Variants in TMEM178B observed in about 807,000 individuals in gnomAD.
TMEM178B encodes transmembrane protein 178B.
Under a neutral mutation model 31.0 loss-of-function variants are expected in TMEM178B, and 5 were observed. The observed-to-expected ratio is 0.16, with a 90% CI of 0.08 to 0.34. TMEM178B has a LOEUF of 0.34. TMEM178B is among the 10% of genes least tolerant of loss of function. The probability of loss-of-function intolerance (pLI) is 1.00; values close to 1 mark genes in which losing one functional copy is unlikely to be tolerated. For synonymous variants in TMEM178B, 164 were observed against 164.0 expected (o/e 1.00, Z 0.00); for missense variants, 275 against 400.3 (o/e 0.69, Z 2.67).
intron 2 of TMEM178B, among the ~76,000 whole-genome samples, chr7:141,288,408 A>G (rs1367052247): frequency 9.2e-5 from 14 of 151,482 alleles, no homozygotes; most frequent in Non-Finnish European, 2.1e-4. Context: ...CATCTGTTGC[A>G]GCTTCAGTTT....
intron 2 of TMEM178B, among the ~76,000 whole-genome samples, chr7:141,224,971 C>T (rs922927869): frequency 3.3e-5 from 5 of 152,288 alleles, no homozygotes; most frequent in Non-Finnish European, 5.9e-5. Flanking sequence ...AGGGATTGAC[C>T]GCTAAAGGTT....
chr7:141,117,478 A>C (rs1795337564), intron 1 of TMEM178B, among the ~76,000 whole-genome samples: 2 of 152,124 alleles, frequency 1.3e-5, no homozygotes, highest in Admixed American at 6.5e-5. Flanking sequence ...CTCTGATGAT[A>C]GTTCCTTTTG....
chr7:141,122,707 G>A (rs911554035), intron 1 of TMEM178B, among the ~76,000 whole-genome samples: 1 of 152,154 alleles, frequency 6.6e-6, no homozygotes, highest in African/African-American at 2.4e-5. Context: ...ATGATGGTAT[G>A]GGAGGAAATT....
chr7:141,460,104 G>A (rs1035572530), intron 3 of TMEM178B, among the ~76,000 whole-genome samples: 1 of 152,158 alleles, frequency 6.6e-6, no homozygotes, highest in African/African-American at 2.4e-5. Flanking sequence ...GCCAATTATT[G>A]TATATTCACC....
rs908887873 is a variant in TMEM178B at position 141,401,477 on chromosome 7, G to A, written c.497-36131G>A. ...CACCCAGGCTCGAGCACAGTGTGGT[G>A]CGATCATAGCTCACTGCAGCCTCAA... On this transcript the variant is annotated intron_variant, in intron 2 of 3. Transcript: ENST00000565468. 2.6e-5 allele frequency among the ~76,000 whole-genome samples: 4 copies of A among 152,222 alleles called. No homozygotes were observed. The South Asian group carries it at 8.3e-4, about 31-fold the overall frequency.
intron 2 of TMEM178B, among the ~76,000 whole-genome samples, chr7:141,306,280 TTGTC>T (rs1360074964): frequency 6.6e-6 from 1 of 152,096 alleles, no homozygotes; most frequent in African/African-American, 2.4e-5. Flanking sequence ...TATTCAGTAA[TTGTC>T]TGTGCTCTTT....
intron 1 of TMEM178B, among the ~76,000 whole-genome samples, chr7:141,183,333 C>G (rs1187520760): frequency 6.6e-6 from 1 of 152,136 alleles, no homozygotes; most frequent in Non-Finnish European, 1.5e-5. Context: ...CTCTGATTTG[C>G]CCTTAATTGT....
chr7:141,345,613 G>C (rs898044431), intron 2 of TMEM178B, among the ~76,000 whole-genome samples: 1 of 152,178 alleles, frequency 6.6e-6, no homozygotes, highest in Non-Finnish European at 1.5e-5. Flanking sequence ...TCTTTACCCT[G>C]CAATGGGCTT....
At chr7:141,466,992 T>C (rs1217782372) in intron 3 of TMEM178B, among the ~76,000 whole-genome samples, 1 of 152,106 alleles carries the variant, frequency 6.6e-6, no homozygotes, top group African/African-American at 2.4e-5. Flanking sequence ...CAATTGCTCT[T>C]GCCTTGGCTG....
At position 141,457,554 on chromosome 7, in the gene TMEM178B, T is replaced by G. The variant is rs181719694; in HGVS notation, c.635-12982T>G. On this transcript the variant is annotated intron_variant, in intron 3 of 3. Transcript: ENST00000565468. ...TCCTCATAAGAAAGAATAGTGGTGA[T>G]GTTTTAACCAAAGGAAGAAAGAAGG... is the stretch of plus-strand genomic sequence containing the variant. 1.1e-3 allele frequency among the ~76,000 whole-genome samples: 165 copies of G among 152,324 alleles called. 1 individual carries two copies. Among genetic ancestry groups the G allele is most frequent in the African/African-American group, 3.7e-3 (153 of 41,576 alleles).
chr7:141,462,723 T>C (rs540309077), intron 3 of TMEM178B, among the ~76,000 whole-genome samples: 20 of 151,814 alleles, frequency 1.3e-4, no homozygotes, highest in African/African-American at 4.6e-4. Flanking sequence ...GCAGCTATGT[T>C]TGGTGCTGGG....
chr7:141,510,197 C>T, the TMEM178B span, among the ~76,000 whole-genome samples: 464 of 152,272 alleles, frequency 3.0e-3, 6 homozygotes, highest in African/African-American at 0.01. Flanking sequence ...CCTGCAGCAT[C>T]CAGGTAAGCC....
intron 2 of TMEM178B, among the ~76,000 whole-genome samples, chr7:141,304,932 C>G (rs981404976): frequency 5.9e-5 from 9 of 152,168 alleles, no homozygotes; most frequent in African/African-American, 2.2e-4. Context: ...GGGGCAAATG[C>G]TTTTCACACC....
At chr7:141,504,172 T>A in the TMEM178B span, among the ~76,000 whole-genome samples, 1 of 152,234 alleles carries the variant, frequency 6.6e-6, no homozygotes, top group African/African-American at 2.4e-5. Flanking sequence ...GAAATTACTG[T>A]ATCTGTTTAA....
chr7:141,373,656 C>G (rs1401684569), intron 2 of TMEM178B, among the ~76,000 whole-genome samples: 1 of 152,154 alleles, frequency 6.6e-6, no homozygotes, highest in South Asian at 2.1e-4. Flanking sequence ...TCCACCCCCC[C>G]AACACACATT....
At position 141,171,732 on chromosome 7, in the gene TMEM178B, G is replaced by A. The variant is rs527701782; in HGVS notation, c.383-40859G>A. 6.6e-6 allele frequency among the ~76,000 whole-genome samples: 1 copy of A among 152,190 alleles called. No individual in the cohort carries two copies. The highest frequency in any genetic ancestry group is 1.5e-5 in the Non-Finnish European group (1 of 68,038). ...TAGACAGGGCAGGGGGTAGAGAGGC[G>A]ACAGTTAAGCAAGGCAGTGTGAACA... is the stretch of plus-strand genomic sequence containing the variant. On this transcript the variant is annotated intron_variant, in intron 1 of 3. Coordinates refer to ENST00000565468, the MANE Select transcript of TMEM178B (RefSeq NM_001195278.2). The surrounding 1 kb of genome is among the most constrained non-coding windows in gnomAD (Gnocchi z 4.3).
intron 3 of TMEM178B, among the ~76,000 whole-genome samples, chr7:141,469,792 T>C (rs1802206307): frequency 6.6e-6 from 1 of 152,242 alleles, no homozygotes; most frequent in African/African-American, 2.4e-5. Flanking sequence ...GAGACTGATA[T>C]AAGTAATGTT....
chr7:141,435,082 A>G (rs945060533), intron 2 of TMEM178B, among the ~76,000 whole-genome samples: 12 of 152,198 alleles, frequency 7.9e-5, no homozygotes, highest in Non-Finnish European at 1.3e-4. Flanking sequence ...AAATCCACAT[A>G]TTTATAGCCA....
intron 2 of TMEM178B, among the ~76,000 whole-genome samples, chr7:141,305,224 G>A (rs1044603572): frequency 4.6e-5 from 7 of 152,170 alleles, no homozygotes; most frequent in Admixed American, 1.3e-4. Context: ...TAAAAGCCAT[G>A]ATTATAACCC....
Sources: allele counts gnomAD v4.1 joint callset (sites outside exome capture counted in the v4.1 genomes callset), GRCh38; gene constraint gnomAD v4.1.1; non-coding constraint Gnocchi (gnomAD v3.1); transcripts MANE v1.5; gene names NCBI Gene and HGNC (gene_info 2026-07-23, HGNC 2026-07-21).